Variants in HIKESHI observed in about 807,000 individuals in gnomAD.
HIKESHI encodes heat shock protein nuclear import factor hikeshi, also known as protein Hikeshi.
HIKESHI carries 13 observed loss-of-function variants against 25.7 expected under a neutral mutation model. The observed-to-expected ratio is 0.51, with a 90% CI of 0.33 to 0.80. The LOEUF is 0.80. Ranked by LOEUF, HIKESHI falls within the 30% of genes least tolerant of loss-of-function variation. HIKESHI has a pLI of 0.02. For synonymous variants in HIKESHI, 76 were observed against 78.7 expected, an observed-to-expected ratio of 0.97 and a Z score of 0.18; for missense variants, 174 against 229.5, an observed-to-expected ratio of 0.76 and a Z score of 1.56.
chr11:86,303,173 A>G (rs79355823), intron 1 of HIKESHI, among the ~76,000 whole-genome samples: 4,870 of 152,314 alleles, frequency 0.032, 253 homozygotes, highest in African/African-American at 0.11. Context: ...ATAATCTGGA[A>G]GGTGAATCTT....
At position 86,336,878 on chromosome 11, in the gene HIKESHI, T is replaced by C. The variant is rs547196601; in HGVS notation, c.269-501T>C. Reference sequence around the variant, plus strand: ...TCCTTGCTAAGATTAATAGCTGATTTCTCATCAGAGACCCCATAGTCTTCT... The same window carrying C: ...TCCTTGCTAAGATTAATAGCTGATTCCTCATCAGAGACCCCATAGTCTTCT... On this transcript the variant is annotated intron_variant, in intron 2 of 4. Transcript: ENST00000278483. Among the ~76,000 whole-genome samples, 5 of 152,152 alleles carry C rather than the reference T, an allele frequency of 3.3e-5. No homozygotes were observed. The South Asian group carries it at 1.0e-3, about 32-fold the overall frequency.
At chr11:86,307,413 A>AAAT (rs750504050) in intron 2 of HIKESHI, among the ~76,000 whole-genome samples, 3 of 98,840 alleles carry the variant, frequency 3.0e-5, no homozygotes, top group South Asian at 3.8e-4. Flanking sequence ...ATTATATATC[A>AAAT]ATATATTATG....
intron 2 of HIKESHI, among the ~76,000 whole-genome samples, chr11:86,307,699 T>C: frequency 1.0e-5 from 1 of 100,162 alleles, no homozygotes; most frequent in East Asian, 3.0e-4. Flanking sequence ...ATGTGTAGTA[T>C]ACATTATATA....
chr11:86,317,069 G>A lies in HIKESHI; in HGVS notation c.268+10587G>A, dbSNP rs550383098. ...GGCCTCCCAAAGTGCTGGGATTACA[G>A]GCATGAGCCACCACGCCCGGCTGTG... On this transcript the variant is annotated intron_variant, in intron 2 of 4. Transcript: ENST00000278483. 6.5e-4 allele frequency among the ~76,000 whole-genome samples: 99 copies of A among 152,092 alleles called. 1 individual carries two copies. Among genetic ancestry groups the A allele is most frequent in the African/African-American group, 2.3e-3 (95 of 41,494 alleles).
chr11:86,326,621 GATAA>G, intron 2 of HIKESHI: 1 of 451,724 alleles, frequency 2.2e-6, no homozygotes, highest in South Asian at 1.6e-5. Flanking sequence ...AGTGAGCTGA[GATAA>G]ATGAGAATCT....
Position 86,343,308 on chromosome 11 carries a change from AT to A in HIKESHI, c.421-1281del, listed in dbSNP as rs138106599. 1.8e-3 allele frequency among the ~76,000 whole-genome samples: 265 copies of A among 146,822 alleles called. 1 individual carries two copies. The highest frequency in any genetic ancestry group is 3.5e-3 in the Middle Eastern group (1 of 286). On this transcript the variant is annotated intron_variant, in intron 3 of 4. Transcript: ENST00000278483. ...TCACTGGTGTGGAGGACTGCTGTTG[AT>A]TTTTTTTTTTTTTCCTAATATTGAT...
intron 2 of HIKESHI, among the ~76,000 whole-genome samples, chr11:86,311,467 C>G (rs1320613542): frequency 2.0e-5 from 3 of 151,994 alleles, no homozygotes; most frequent in African/African-American, 7.3e-5. Flanking sequence ...CTTTGTTAGT[C>G]TTGCTAGTGG....
At chr11:86,316,254 T>G (rs1472633194) in intron 2 of HIKESHI, among the ~76,000 whole-genome samples, 1 of 152,072 alleles carries the variant, frequency 6.6e-6, no homozygotes, top group Non-Finnish European at 1.5e-5. Flanking sequence ...CTCATGCCTG[T>G]AATCCCAACA....
chr11:86,316,115 T>TAA (rs11340933), intron 2 of HIKESHI, among the ~76,000 whole-genome samples: 4 of 75,246 alleles, frequency 5.3e-5, no homozygotes, highest in South Asian at 5.2e-4. Flanking sequence ...CTGTCTCCAT[T>TAA]AAAAAAAAAA....
intron 3 of HIKESHI, among the ~76,000 whole-genome samples, chr11:86,342,965 A>G (rs2138433033): frequency 6.6e-6 from 1 of 152,318 alleles, no homozygotes; most frequent in African/African-American, 2.4e-5. Flanking sequence ...AAGTTTCATG[A>G]AGAACCTTGT....
At chr11:86,338,019 A>AT (rs893143288) in intron 3 of HIKESHI, among the ~76,000 whole-genome samples, 3 of 152,136 alleles carry the variant, frequency 2.0e-5, no homozygotes, top group Non-Finnish European at 2.9e-5. Context: ...CACAGTCATC[A>AT]TTTTTTTGTA....
chr11:86,331,734 C>G (rs896898322), intron 2 of HIKESHI, among the ~76,000 whole-genome samples: 6 of 151,880 alleles, frequency 4.0e-5, no homozygotes, highest in African/African-American at 1.5e-4. Flanking sequence ...TACTGATAAG[C>G]CTTTGAGAGT....
intron 2 of HIKESHI, among the ~76,000 whole-genome samples, chr11:86,328,436 T>G (rs1212104601): frequency 1.5e-5 from 2 of 131,250 alleles, no homozygotes; most frequent in South Asian, 2.5e-4. Flanking sequence ...TGTTTTTTGT[T>G]TTTTTTTTTT....
At position 86,333,262 on chromosome 11, in the gene HIKESHI, G is replaced by T. The variant is rs553099688; in HGVS notation, c.269-4117G>T. Among the ~76,000 whole-genome samples, 28 of 152,200 alleles carry T rather than the reference G, an allele frequency of 1.8e-4. No homozygotes were observed. In the South Asian group the frequency reaches 2.7e-3, roughly 15 times the overall value. ...ATCAAGAGAAAATATGAGGCCGGGT[G>T]CGGTGGCTCATGTCTGTAATCCCAG... On this transcript the variant is annotated intron_variant, in intron 2 of 4. Coordinates refer to ENST00000278483, the MANE Select transcript of HIKESHI (RefSeq NM_016401.4).
chr11:86,332,047 G>A (rs1469643474), intron 2 of HIKESHI, among the ~76,000 whole-genome samples: 3 of 146,036 alleles, frequency 2.1e-5, no homozygotes, highest in African/African-American at 5.1e-5. Context: ...GTGGCACTCC[G>A]CCTCCTGTGT....
chr11:86,308,309 T>C (rs867371753), intron 2 of HIKESHI, among the ~76,000 whole-genome samples: 2 of 87,350 alleles, frequency 2.3e-5, no homozygotes, highest in African/African-American at 5.0e-5. Context: ...ATATATATTA[T>C]ATATAAAATA....
chr11:86,306,466 T>C lies in HIKESHI; in HGVS notation c.252T>C (p.Ile84=). ...TNGKPSAIFK[I]SGLKSGEGSQ... ...GGAAGCCAAGTGCCATCTTCAAAAT[T>C]TCAGGTCTTAAATCTGGTAAGAATA... Residue 84 remains isoleucine (I), a synonymous_variant, in exon 2 of 5, where the codon ATT becomes ATC. Transcript: ENST00000278483. 1.2e-6 allele frequency: 2 copies of C among 1,603,576 alleles called. No homozygotes were observed. The highest frequency in any genetic ancestry group is 8.5e-7 in the Non-Finnish European group (1 of 1,170,748).
intron 3 of HIKESHI, among the ~76,000 whole-genome samples, chr11:86,342,324 T>C (rs1947753060): frequency 6.6e-6 from 1 of 152,206 alleles, no homozygotes; most frequent in Admixed American, 6.6e-5. Flanking sequence ...ATGGTGCTTG[T>C]CTTTTAACAT....
At chr11:86,319,219 T>TAA (rs1411022390) in intron 2 of HIKESHI, among the ~76,000 whole-genome samples, 3 of 99,504 alleles carry the variant, frequency 3.0e-5, no homozygotes, top group African/African-American at 1.3e-4. Flanking sequence ...GGCTTAAAAA[T>TAA]ATATATATAT....
Sources: allele counts gnomAD v4.1 joint callset (sites outside exome capture counted in the v4.1 genomes callset), GRCh38; gene constraint gnomAD v4.1.1; transcripts MANE v1.5; gene names NCBI Gene and HGNC (gene_info 2026-07-23, HGNC 2026-07-21).